IDO2: variants seen among roughly 807,000 people sequenced by gnomAD.
The protein encoded by IDO2 is indoleamine 2,3-dioxygenase-like 1 protein.
In IDO2, 46 loss-of-function variants were observed where a neutral mutation model predicts 45.1. The observed-to-expected ratio is 1.02, with a 90% CI of 0.80 to 1.30. IDO2 has a LOEUF of 1.30. Among genes scored for constraint, IDO2 ranks in the 50% most tolerant of loss-of-function variants. The probability of loss-of-function intolerance (pLI) is 0.00; values close to 1 mark genes in which losing one functional copy is unlikely to be tolerated. For missense variants in IDO2, 544 were observed against 491.8 expected, an observed-to-expected ratio of 1.11 and a Z score of -1.00; for synonymous variants, 218 against 184.9, an observed-to-expected ratio of 1.18 and a Z score of -1.45.
At chr8:39,972,604 C>A in intron 3 of IDO2, among the ~76,000 whole-genome samples, 2 of 67,876 alleles carry the variant, frequency 2.9e-5, no homozygotes, top group Non-Finnish European at 5.0e-5. Flanking sequence ...AGCAAGACTC[C>A]ATCTCAAAAA....
intron 6 of IDO2, 122 bp downstream of exon 6, chr8:39,985,644 C>CATAAAAAAT: frequency 1.3e-6 from 1 of 797,144 alleles, no homozygotes; most frequent in Non-Finnish European, 2.0e-6. Context: ...ATATAAAATG[C>CATAAAAAAT]ATAAAAAATA....
chr8:40,003,127 C>T (rs779482715), intron 8 of IDO2, among the ~76,000 whole-genome samples: 6 of 151,796 alleles, frequency 4.0e-5, no homozygotes, highest in Non-Finnish European at 7.4e-5. Context: ...TATATCCCTT[C>T]GGGAGGCCAA....
intron 1 of IDO2, among the ~76,000 whole-genome samples, chr8:39,940,728 T>A (rs2129592951): frequency 6.6e-6 from 1 of 152,098 alleles, no homozygotes; most frequent in East Asian, 1.9e-4. Context: ...CCTCTCCCTG[T>A]CCCTCCTCCC....
intron 8 of IDO2, among the ~76,000 whole-genome samples, chr8:40,003,765 A>G (rs977489959): frequency 2.0e-5 from 3 of 152,154 alleles, no homozygotes; most frequent in Admixed American, 6.6e-5. Context: ...TAGGACTTCT[A>G]ACACAGTATT....
intron 9 of IDO2, among the ~76,000 whole-genome samples, chr8:40,008,045 CTTTTTT>C (rs34451617): frequency 9.7e-6 from 1 of 103,318 alleles, no homozygotes; most frequent in Non-Finnish European, 1.9e-5. Context: ...AGCACTGGCA[CTTTTTT>C]TTTTTTTTTT....
chr8:39,964,380 G>A (rs1200007403), intron 3 of IDO2, among the ~76,000 whole-genome samples: 1 of 152,190 alleles, frequency 6.6e-6, no homozygotes, highest in Non-Finnish European at 1.5e-5. Flanking sequence ...ATTGTTATGG[G>A]AAGTAAATCA....
intron 3 of IDO2, among the ~76,000 whole-genome samples, chr8:39,967,404 C>A (rs1416029102): frequency 6.6e-6 from 1 of 152,074 alleles, no homozygotes; most frequent in East Asian, 1.9e-4. Flanking sequence ...TCTGCATATT[C>A]ATAGAAAACA....
At chr8:39,951,551 C>T (rs1440527655) in intron 2 of IDO2, among the ~76,000 whole-genome samples, 2 of 152,120 alleles carry the variant, frequency 1.3e-5, no homozygotes, top group East Asian at 1.9e-4. Flanking sequence ...ATCCCCTGAC[C>T]CTCAATTTTC....
intron 3 of IDO2, among the ~76,000 whole-genome samples, chr8:39,973,416 G>A (rs1418920494): frequency 6.6e-6 from 1 of 151,998 alleles, no homozygotes; most frequent in Non-Finnish European, 1.5e-5. Flanking sequence ...CCAATAACAG[G>A]AGCCTGGTCT....
intron 5 of IDO2, 160 bp from the exon 6 acceptor site, chr8:39,985,348 G>T: frequency 1.6e-6 from 1 of 637,140 alleles, no homozygotes. Flanking sequence ...AGAATTCAAA[G>T]TAAGTGTGGA....
intron 9 of IDO2, among the ~76,000 whole-genome samples, chr8:40,008,045 CT>C (rs34451617): frequency 0.46 from 47,418 of 102,688 alleles, 8,897 homozygotes; most frequent in Middle Eastern, 0.57. Flanking sequence ...AGCACTGGCA[CT>C]TTTTTTTTTT....
At chr8:39,968,626 C>T (rs186830643) in intron 3 of IDO2, among the ~76,000 whole-genome samples, 7 of 151,816 alleles carry the variant, frequency 4.6e-5, no homozygotes, top group East Asian at 3.9e-4. Flanking sequence ...CACCAAACAC[C>T]GCATGTTCTT....
chr8:40,010,499 G>A (rs1048401655), intron 9 of IDO2, among the ~76,000 whole-genome samples: 1 of 152,170 alleles, frequency 6.6e-6, no homozygotes, highest in Non-Finnish European at 1.5e-5. Flanking sequence ...TCTCTGTATT[G>A]ACTGAGTAGG....
exon 1 of IDO2, chr8:39,934,858 A>G: frequency 2.4e-6 from 1 of 423,718 alleles, no homozygotes; most frequent in South Asian, 2.4e-5. Context: ...TGCCACAGAA[A>G]GAAGATGGAG....
At chr8:39,971,149 CTT>C (rs1808174311) in intron 3 of IDO2, among the ~76,000 whole-genome samples, 1 of 152,150 alleles carries the variant, frequency 6.6e-6, no homozygotes, top group South Asian at 2.1e-4. Context: ...CAGCTGGTGA[CTT>C]TAAGTTGAAG....
intron 9 of IDO2, among the ~76,000 whole-genome samples, chr8:40,007,886 T>C (rs113817400): frequency 2.0e-5 from 3 of 152,298 alleles, no homozygotes; most frequent in African/African-American, 7.2e-5. Flanking sequence ...AAGAATTCCC[T>C]TCAAAACTCA....
intron 9 of IDO2, among the ~76,000 whole-genome samples, chr8:40,007,224 T>C (rs975574928): frequency 6.6e-6 from 1 of 151,912 alleles, no homozygotes; most frequent in Admixed American, 6.6e-5. Flanking sequence ...TGAAGCTGTG[T>C]CTGGATACAG....
chr8:39,939,655 A>G (rs11787449), intron 1 of IDO2, among the ~76,000 whole-genome samples: 61,320 of 147,634 alleles, frequency 0.42, 13,038 homozygotes, highest in East Asian at 0.57. Flanking sequence ...AGTAAAATAA[A>G]GAAGGATAGA....
intron 8 of IDO2, among the ~76,000 whole-genome samples, chr8:40,002,030 C>T (rs554587969): frequency 2.0e-5 from 3 of 152,282 alleles, no homozygotes; most frequent in Admixed American, 1.3e-4. Context: ...AAGTGATCCA[C>T]CTGTCTCAGC....
Sources: gnomAD v4.1 joint callset for allele counts (sites outside exome capture counted in the v4.1 genomes callset) on GRCh38, gnomAD v4.1.1 for gene constraint, MANE v1.5 for transcripts, NCBI Gene and HGNC (gene_info 2026-07-23, HGNC 2026-07-21) for gene names.